The following DNAJC7 variants were observed in gnomAD, a reference collection of about 807,000 sequenced individuals.
DNAJC7 encodes the protein DnaJ heat shock protein family (Hsp40) member C7, also known as dnaJ homolog subfamily C member 7.
In DNAJC7, 18 loss-of-function variants were observed where a neutral mutation model predicts 67.4. The observed-to-expected ratio is 0.27, with a 90% CI of 0.18 to 0.40. The LOEUF is 0.40. Ranked by LOEUF, DNAJC7 falls within the 10% of genes least tolerant of loss-of-function variation. The pLI is 1.00. For synonymous variants in DNAJC7, 220 were observed against 207.8 expected (o/e 1.06, Z -0.50); for missense variants, 419 against 613.8 (o/e 0.68, Z 3.35).
At chr17:41,977,221 T>C in intron 13 of DNAJC7, 40 bp downstream of exon 13, 2 of 1,559,552 alleles carry the variant, frequency 1.3e-6, no homozygotes, top group Non-Finnish European at 1.7e-6. Flanking sequence ...GTGTGTTGGC[T>C]TGTGATCTGG....
chr17:41,987,669 A>G (rs1555647073), intron 9 of DNAJC7, 150 bp downstream of exon 9: 1 of 592,214 alleles, frequency 1.7e-6, no homozygotes, highest in African/African-American at 1.9e-5. Flanking sequence ...GTCTATAAAG[A>G]TAGTCTAGGG....
chr17:42,000,573 G>A lies in DNAJC7; in HGVS notation c.78-3C>T. The stretch of plus-strand genomic sequence containing the variant: ...GTTCCTTGAAAGTCTCTGCTTCCCT[G>A]AAAATGAAAGAGAAAGAGAATCATG... On this transcript the variant is annotated splice_region_variant and splice_polypyrimidine_tract_variant and intron_variant, in intron 1 of 13. Transcript: ENST00000457167. The A allele has an allele frequency of 2.5e-6, 4 of 1,596,552 alleles. No homozygotes were observed. The highest frequency in any genetic ancestry group is 3.4e-6 in the Non-Finnish European group (4 of 1,168,352).
chr17:41,987,519 A>C (rs1305494327), intron 9 of DNAJC7: 10 of 357,058 alleles, frequency 2.8e-5, no homozygotes, highest in Admixed American at 4.3e-5. Flanking sequence ...AACACAAAAT[A>C]AAATCTCCAA....
chr17:41,980,497 T>A (rs538883714), intron 12 of DNAJC7, among the ~76,000 whole-genome samples: 5 of 152,348 alleles, frequency 3.3e-5, no homozygotes, highest in African/African-American at 1.2e-4. Context: ...GAGTTTTTGG[T>A]GCCTCAGTCT....
chr17:41,996,973 C>A (rs958461627), intron 3 of DNAJC7, 142 bp downstream of exon 3: 2 of 1,313,952 alleles, frequency 1.5e-6, no homozygotes, highest in African/African-American at 3.0e-5. Flanking sequence ...TGCTAAACAA[C>A]CCACAGTGCA....
intron 1 of DNAJC7, among the ~76,000 whole-genome samples, chr17:42,003,950 A>ATTTTTTTTTTTTT (rs10631965): frequency 1.1e-5 from 1 of 94,328 alleles, no homozygotes; most frequent in Non-Finnish European, 2.0e-5. Context: ...AAGATTTTCA[A>ATTTTTTTTTTTTT]TTTTTTTTTT....
At chr17:41,981,424 G>A (rs2051247866) in intron 12 of DNAJC7, among the ~76,000 whole-genome samples, 1 of 152,150 alleles carries the variant, frequency 6.6e-6, no homozygotes, top group African/African-American at 2.4e-5. Flanking sequence ...TCAAACTCCT[G>A]ACCTGGTGAT....
rs75857245 is a variant in DNAJC7 at position 41,996,720 on chromosome 17, T to C, written c.292-296A>G. On this transcript the variant is annotated intron_variant, in intron 3 of 13. Coordinates refer to ENST00000457167, the MANE Select transcript of DNAJC7 (RefSeq NM_003315.4). ...TACTCTGGAGGCTGAGGCAGGAGAA[T>C]TGCCTGAAGCCGAGATCGCGCCACT... 5.8e-4 allele frequency among the ~76,000 whole-genome samples: 89 copies of C among 152,224 alleles called. 1 individual carries two copies. In the East Asian group the frequency reaches 0.016, roughly 28 times the overall value.
chr17:41,979,005 G>A (rs921272189), intron 12 of DNAJC7, among the ~76,000 whole-genome samples: 12 of 152,298 alleles, frequency 7.9e-5, no homozygotes, highest in East Asian at 7.7e-4. Flanking sequence ...ACACTGAACT[G>A]GAGAGGACTC....
rs1483308425 is a variant in DNAJC7, at chr17:41,996,253, C to T, written c.405+58G>A. 5 of 1,560,400 alleles carry T rather than the reference C, an allele frequency of 3.2e-6. No individual in the cohort carries two copies. In the Admixed American group the frequency reaches 8.6e-5, roughly 27 times the overall value. ...ACCTCAGTTCCGACTTTCAAGTAGC[C>T]ACTCCTCCCAAATATACCATACTGC... On this transcript the variant is annotated intron_variant, in intron 4 of 13. Transcript: ENST00000457167.
chr17:42,007,012 G>A (rs1555650429), intron 1 of DNAJC7, among the ~76,000 whole-genome samples: 1 of 150,636 alleles, frequency 6.6e-6, no homozygotes, highest in East Asian at 1.9e-4. Flanking sequence ...TGAGGCAGGA[G>A]AATGGTGTGA....
At chr17:41,981,751 G>A in intron 12 of DNAJC7, 104 bp downstream of exon 12, 13 of 1,453,408 alleles carry the variant, frequency 8.9e-6, no homozygotes, top group Non-Finnish European at 1.2e-5. Context: ...TTGGACCAGG[G>A]ATCAGATTTG....
chr17:41,976,630 T>G lies in DNAJC7; in HGVS notation c.*103A>C. The G allele has an allele frequency of 6.7e-7, 1 of 1,484,340 alleles. No individual in the cohort carries two copies. Among genetic ancestry groups the G allele is most frequent in the Non-Finnish European group, 9.1e-7 (1 of 1,094,282 alleles). The allele number at this position is 1,484,340 out of a possible 1,614,324, so 91.9% of individuals were successfully genotyped here. On this transcript the variant is annotated 3_prime_UTR_variant, in exon 14 of 14. Coordinates refer to ENST00000457167, the MANE Select transcript of DNAJC7 (RefSeq NM_003315.4). ...TCCAACTGAGAAAACGAAACTGCTC[T>G]AAGCACACGGAGACGTGATGAAGGG...
At chr17:42,008,169 G>C (rs1036632550) in intron 1 of DNAJC7, among the ~76,000 whole-genome samples, 1 of 150,928 alleles carries the variant, frequency 6.6e-6, no homozygotes, top group Admixed American at 6.6e-5. Context: ...AAAATTAGCC[G>C]GGCATGATGG....
chr17:41,981,642 C>T, intron 12 of DNAJC7: 5 of 614,520 alleles, frequency 8.1e-6, no homozygotes, highest in Non-Finnish European at 1.1e-5. Flanking sequence ...TCTGCACTTC[C>T]AAGCCTTCCC....
At position 41,994,844 on chromosome 17, in the gene DNAJC7, G is replaced by A. The variant is rs782010218; in HGVS notation, c.480+26C>T. On this transcript the variant is annotated intron_variant, in intron 5 of 13. Transcript: ENST00000457167. The stretch of plus-strand genomic sequence containing the variant: ...GGGAATTTTGCGACAAAGAGCAGAT[G>A]AGATTATCTCATGGTTGTACTGTAC... The A allele has an allele frequency of 3.7e-6, 6 of 1,609,092 alleles. No homozygotes were observed. The East Asian group carries it at 1.3e-4, about 36-fold the overall frequency.
intron 1 of DNAJC7, among the ~76,000 whole-genome samples, chr17:42,007,655 C>A (rs782320569): frequency 1.3e-5 from 2 of 151,692 alleles, no homozygotes; most frequent in Non-Finnish European, 2.9e-5. Flanking sequence ...TCCCTGGTAG[C>A]TGGGACTACA....
intron 1 of DNAJC7, 143 bp from the exon 2 acceptor site, chr17:42,000,713 G>A: frequency 1.7e-6 from 1 of 593,038 alleles, no homozygotes; most frequent in Non-Finnish European, 2.9e-6. Context: ...TAGATTTGTT[G>A]AATAGGCCAA....
chr17:42,016,940 A>C (rs1166831958), intron 1 of DNAJC7: 5 of 1,150,900 alleles, frequency 4.3e-6, no homozygotes, highest in East Asian at 7.5e-5. Flanking sequence ...TTGGAGACGG[A>C]AAGTGCAGAC....
Sources: gnomAD v4.1 joint callset for allele counts (sites outside exome capture counted in the v4.1 genomes callset) on GRCh38, gnomAD v4.1.1 for gene constraint, MANE v1.5 for transcripts, NCBI Gene and HGNC (gene_info 2026-07-23, HGNC 2026-07-21) for gene names.